The following ANK3 variants were observed in gnomAD, a reference collection of about 807,000 sequenced individuals.
ANK3 encodes ankyrin 3.
Under a neutral mutation model 370.9 loss-of-function variants are expected in ANK3, and 57 were observed. The observed-to-expected ratio is 0.15, with a 90% CI of 0.12 to 0.19. The LOEUF (loss-of-function observed/expected upper bound fraction) is 0.19, where lower values mean the gene tolerates loss of function less well. Ranked by LOEUF, ANK3 falls within the 10% of genes least tolerant of loss-of-function variation. The pLI, the probability that ANK3 is intolerant of heterozygous loss-of-function variation, is 1.00. For synonymous variants in ANK3, 1,929 were observed against 1,946.3 expected (o/e 0.99, Z 0.23); for missense variants, 4,439 against 5,302.1 (o/e 0.84, Z 5.06).
At chr10:60,286,234 C>A (rs757166026) in intron 1 of ANK3, among the ~76,000 whole-genome samples, 4 of 151,940 alleles carry the variant, frequency 2.6e-5, no homozygotes, top group Non-Finnish European at 1.5e-5. Context: ...CACTCTCATG[C>A]CTTTCTTTAT....
At chr10:60,096,223 G>T (rs2090105299) in intron 28 of ANK3, among the ~76,000 whole-genome samples, 1 of 152,030 alleles carries the variant, frequency 6.6e-6, no homozygotes, top group African/African-American at 2.4e-5. Context: ...TATCAGAGAA[G>T]TCAGATTTCC....
intron 1 of ANK3, among the ~76,000 whole-genome samples, chr10:60,634,986 G>A (rs2078534403): frequency 6.6e-6 from 1 of 152,090 alleles, no homozygotes; most frequent in Non-Finnish European, 1.5e-5. Flanking sequence ...TCACCACAAG[G>A]GTCCGTGGCT....
intron 2 of ANK3, among the ~76,000 whole-genome samples, chr10:60,448,146 A>G (rs2064500093): frequency 1.3e-5 from 2 of 152,182 alleles, no homozygotes; most frequent in African/African-American, 4.8e-5. Flanking sequence ...GCATTCTGCA[A>G]CTGCAATCAG....
chr10:60,571,192 T>G (rs1413915296), intron 2 of ANK3, among the ~76,000 whole-genome samples: 1 of 151,768 alleles, frequency 6.6e-6, no homozygotes, highest in Non-Finnish European at 1.5e-5. Flanking sequence ...GCCAAGGCAA[T>G]GTACAAGAAG....
rs1456440146 is a variant in ANK3 at position 60,562,318 on chromosome 10, G to A, written c.96+52868C>T. Among the ~76,000 whole-genome samples the A allele has an allele frequency of 2.0e-5, 3 of 151,108 alleles. No individual in the cohort carries two copies. The South Asian group carries it at 6.3e-4, about 32-fold the overall frequency. On this transcript the variant is annotated intron_variant, in intron 2 of 43. Coordinates refer to the ANK3 transcript ENST00000373827. ...CATTAAAACTTCATAATTGATTAAA[G>A]TTTTGTTTTTCTTATGGGTGCTGTT...
chr10:60,144,350 C>A (rs2094709505), intron 23 of ANK3: 12 of 275,066 alleles, frequency 4.4e-5, no homozygotes, highest in South Asian at 3.8e-4. Flanking sequence ...ATACACAAAG[C>A]CCAGGAGCAC....
chr10:60,283,026 G>T (rs2098188517), intron 1 of ANK3, among the ~76,000 whole-genome samples: 1 of 152,174 alleles, frequency 6.6e-6, no homozygotes, highest in South Asian at 2.1e-4. Flanking sequence ...CTATGTGTTA[G>T]TCATTGTGTC....
intron 1 of ANK3, among the ~76,000 whole-genome samples, chr10:60,368,230 TACAC>T (rs3045441): frequency 2.2e-4 from 33 of 149,612 alleles, no homozygotes; most frequent in Middle Eastern, 3.4e-3. Context: ...CTAGTGCATG[TACAC>T]ACACACACAC....
At chr10:60,717,891 G>A (rs1485638138) in intron 1 of ANK3, among the ~76,000 whole-genome samples, 1 of 152,210 alleles carries the variant, frequency 6.6e-6, no homozygotes, top group African/African-American at 2.4e-5. Context: ...TATAAGGCAG[G>A]CAGCCCTCAG....
chr10:60,567,943 C>A (rs754682941), intron 2 of ANK3, among the ~76,000 whole-genome samples: 1 of 152,114 alleles, frequency 6.6e-6, no homozygotes, highest in Non-Finnish European at 1.5e-5. Flanking sequence ...AACTAGAAAC[C>A]TGAAGACATG....
intron 28 of ANK3, among the ~76,000 whole-genome samples, chr10:60,096,735 T>C (rs1455667427): frequency 1.3e-5 from 2 of 149,616 alleles, no homozygotes; most frequent in African/African-American, 5.0e-5. Context: ...AAAATAAGAA[T>C]GGTTTAATAT....
intron 1 of ANK3, among the ~76,000 whole-genome samples, chr10:60,720,793 T>G (rs1232694220): frequency 1.3e-5 from 2 of 152,066 alleles, no homozygotes; most frequent in Admixed American, 6.6e-5. Context: ...TTGTATTTTT[T>G]GTAGAGATAG....
rs115346813 is a variant in ANK3, at chr10:60,621,113, T to C, written c.58-5889A>G. Among the ~76,000 whole-genome samples, 303 of 152,294 alleles carry C rather than the reference T, an allele frequency of 2.0e-3. 1 individual carries two copies. Among genetic ancestry groups the C allele is most frequent in the African/African-American group, 6.9e-3 (288 of 41,576 alleles). On this transcript the variant is annotated intron_variant, in intron 1 of 43. Transcript: ENST00000373827. ...TCTACTGAAATAACACTGGTTAAAT[T>C]AGAGAAAAGCAATTCGGTCAAATAT... is the stretch of plus-strand genomic sequence containing the variant.
At chr10:60,666,026 G>C (rs766902465) in intron 1 of ANK3, among the ~76,000 whole-genome samples, 4 of 152,038 alleles carry the variant, frequency 2.6e-5, no homozygotes, top group African/African-American at 9.7e-5. Context: ...ATTAAACATA[G>C]AATTACCATA....
At chr10:60,685,103 T>C in intron 1 of ANK3, 1 of 1,076,732 alleles carries the variant, frequency 9.3e-7, no homozygotes, top group Non-Finnish European at 1.3e-6. Context: ...TATATCTGTG[T>C]GGAGGAGGTT....
At chr10:60,224,855 G>A (rs1229506477) in intron 8 of ANK3, among the ~76,000 whole-genome samples, 3 of 151,692 alleles carry the variant, frequency 2.0e-5, no homozygotes, top group Non-Finnish European at 2.9e-5. Flanking sequence ...ATAAACTAAA[G>A]GGCATCACTT....
rs556593897 is a variant in ANK3, at chr10:60,028,463, T to G, written c.*1383A>C. 3 of 152,816 alleles carry G rather than the reference T, an allele frequency of 2.0e-5. No individual in the cohort carries two copies. Among genetic ancestry groups the G allele is most frequent in the Admixed American group, 2.0e-4 (3 of 15,302 alleles). 9.5% of individuals were successfully genotyped at this position (152,816 alleles called of 1,614,324 possible). ...ATAATCGACTAGGTCATCCAGTGTA[T>G]GGTTTTTCATACATATGTCATTAGA... On this transcript the variant is annotated 3_prime_UTR_variant, in exon 44 of 44. Coordinates refer to ENST00000280772, the MANE Select transcript of ANK3 (RefSeq NM_020987.5).
intron 25 of ANK3, among the ~76,000 whole-genome samples, chr10:60,129,487 C>A (rs1463703662): frequency 6.6e-6 from 1 of 152,168 alleles, no homozygotes; most frequent in Non-Finnish European, 1.5e-5. Flanking sequence ...CATGGTGGCT[C>A]ACACCTATAA....
At chr10:60,327,675 T>C (rs895530379) in intron 1 of ANK3, among the ~76,000 whole-genome samples, 1 of 152,174 alleles carries the variant, frequency 6.6e-6, no homozygotes, top group Non-Finnish European at 1.5e-5. Context: ...TTCCATGCCT[T>C]CTTTCTTCTG....
Sources: allele counts gnomAD v4.1 joint callset (sites outside exome capture counted in the v4.1 genomes callset), GRCh38; gene constraint gnomAD v4.1.1; transcripts MANE v1.5; gene names NCBI Gene and HGNC (gene_info 2026-07-23, HGNC 2026-07-21).